CEACAM5: variants seen among roughly 807,000 people sequenced by gnomAD.
CEACAM5 encodes the protein cell adhesion molecule CEACAM5.
In CEACAM5, 52 loss-of-function variants were observed where a neutral mutation model predicts 63.0. The observed-to-expected ratio is 0.83, with a 90% CI of 0.66 to 1.04. The LOEUF is 1.04. Ranked by LOEUF, CEACAM5 falls within the 50% of genes least tolerant of loss-of-function variation. The pLI, the probability that CEACAM5 is intolerant of heterozygous loss-of-function variation, is 0.00. For missense variants in CEACAM5, 790 were observed against 864.8 expected (o/e 0.91, Z 1.08); for synonymous variants, 357 against 351.3 (o/e 1.02, Z -0.18).
chr19:41,723,668 G>A (rs1044496008), intron 8 of CEACAM5, among the ~76,000 whole-genome samples: 3 of 151,518 alleles, frequency 2.0e-5, no homozygotes, highest in Non-Finnish European at 2.9e-5. Context: ...TTTAATTTTC[G>A]AGGCCCTGCA....
intron 6 of CEACAM5, among the ~76,000 whole-genome samples, chr19:41,718,760 G>A (rs2072569889): frequency 1.3e-5 from 2 of 152,240 alleles, no homozygotes; most frequent in Non-Finnish European, 2.9e-5. Flanking sequence ...TGAGCTACAA[G>A]GAACAACTGA....
chr19:41,710,005 G>A lies in CEACAM5; in HGVS notation c.390G>A (p.Val130=). ...TACACGTCATAAAGTCAGATCTTGT[G>A]AATGAAGAAGCAACTGGCCAGTTCC... The part of the protein sequence containing the change: ...YTLHVIKSDL[V]NEEATGQFRV... Residue 130 remains valine, a synonymous_variant, in exon 2 of 10, where the codon GTG becomes GTA. Transcript: ENST00000221992. 1 of 1,609,818 alleles carries A rather than the reference G, an allele frequency of 6.2e-7. No individual in the cohort carries two copies. The highest frequency in any genetic ancestry group is 8.5e-7 in the Non-Finnish European group (1 of 1,177,358).
Position 41,715,071 on chromosome 19 carries a change from C to T in CEACAM5, c.525C>T (p.Thr175=), listed in dbSNP as rs782321114. 10 of 1,614,096 alleles carry T rather than the reference C, an allele frequency of 6.2e-6. No homozygotes were observed. The South Asian group carries it at 7.7e-5, about 12-fold the overall frequency. The change falls in exon 3 of 10, where the codon ACC becomes ACT. Residue 175 remains threonine, a synonymous_variant. Coordinates refer to ENST00000221992, the MANE Select transcript of CEACAM5 (RefSeq NM_004363.6). The part of the protein sequence containing the change: ...FTCEPETQDA[T]YLWWVNNQSL... ...GTGAACCTGAGACTCAGGACGCAAC[C>T]TACCTGTGGTGGGTAAACAATCAGA...
In CEACAM5 at chr19:41,708,789, C is replaced by G; in HGVS notation, c.58C>G (p.Leu20Val). The G allele has an allele frequency of 6.2e-7, 1 of 1,611,184 alleles. No homozygotes were observed. Among genetic ancestry groups the G allele is most frequent in the Non-Finnish European group, 8.5e-7 (1 of 1,178,572 alleles). The change falls in exon 1 of 10, where the codon CTC becomes GTC. Residue 20 changes from leucine to valine, a missense_variant. Physicochemically the swap from Leu to Val is conservative, Grantham distance 32. Transcript: ENST00000221992. ...GTGCATCCCCTGGCAGAGGCTCCTG[C>G]TCACAGGTGAAGGGAGGACAACCTG... is the stretch of plus-strand genomic sequence containing the variant. ...RWCIPWQRLL[L>V]TASLLTFWNP... is the part of the protein sequence containing the mutation.
Position 41,708,714 on chromosome 19 carries a change from G to C in CEACAM5, c.-18G>C, listed in dbSNP as rs1042765987. On this transcript the variant is annotated 5_prime_UTR_variant, in exon 1 of 10. Coordinates refer to ENST00000221992, the MANE Select transcript of CEACAM5 (RefSeq NM_004363.6). The stretch of plus-strand genomic sequence containing the variant: ...AAGCTCTTCTCCACAGAGGAGGACA[G>C]AGCAGACAGCAGAGACCATGGAGTC... The C allele has an allele frequency of 6.2e-7, 1 of 1,607,352 alleles. No individual in the cohort carries two copies. Among genetic ancestry groups the C allele is most frequent in the Middle Eastern group, 1.7e-4 (1 of 6,050 alleles).
intron 6 of CEACAM5, 113 bp downstream of exon 6, chr19:41,718,495 C>A: frequency 1.8e-6 from 2 of 1,113,474 alleles, no homozygotes; most frequent in Non-Finnish European, 2.6e-6. Context: ...TGGGCACAAG[C>A]AATCCCAAAT....
intron 8 of CEACAM5, among the ~76,000 whole-genome samples, chr19:41,725,548 A>G (rs1042033367): frequency 6.6e-6 from 1 of 151,722 alleles, no homozygotes; most frequent in Non-Finnish European, 1.5e-5. Flanking sequence ...TTTTTAAAGA[A>G]ATTTTGTAGA....
intron 9 of CEACAM5, among the ~76,000 whole-genome samples, 157 bp from the exon 10 acceptor site, chr19:41,729,027 A>C (rs1378340672): frequency 2.6e-5 from 4 of 152,212 alleles, no homozygotes; most frequent in Non-Finnish European, 4.4e-5. Context: ...GATGTATTCC[A>C]AAAGTTATAT....
At chr19:41,726,108 G>A (rs528570350) in intron 8 of CEACAM5, among the ~76,000 whole-genome samples, 11 of 152,266 alleles carry the variant, frequency 7.2e-5, no homozygotes, top group African/African-American at 2.6e-4. Flanking sequence ...TGTAATATTC[G>A]ATTAAGCTTT....
intron 2 of CEACAM5, among the ~76,000 whole-genome samples, chr19:41,714,755 T>C (rs1181569232): frequency 2.6e-5 from 4 of 152,170 alleles, no homozygotes; most frequent in African/African-American, 9.7e-5. Context: ...TAATTCACAC[T>C]TGAGAAAGTC....
At position 41,709,984 on chromosome 19, in the gene CEACAM5, C is replaced by T. The variant is rs143742915; in HGVS notation, c.369C>T (p.His123=). Residue 123 remains histidine, a synonymous_variant, in exon 2 of 10, where the codon CAC becomes CAT. Transcript: ENST00000221992. ...ATGACACAGGATTCTACACCCTACA[C>T]GTCATAAAGTCAGATCTTGTGAATG... is the stretch of plus-strand genomic sequence containing the variant. ...IQNDTGFYTL[H]VIKSDLVNEE... The T allele has an allele frequency of 8.1e-6, 13 of 1,612,808 alleles. No homozygotes were observed. Among genetic ancestry groups the T allele is most frequent in the African/African-American group, 4.0e-5 (3 of 74,866 alleles).
Position 41,718,112 on chromosome 19 carries a change from A to G in CEACAM5, c.1238-16A>G. On this transcript the variant is annotated splice_polypyrimidine_tract_variant and intron_variant, in intron 5 of 9. Coordinates refer to ENST00000221992, the MANE Select transcript of CEACAM5 (RefSeq NM_004363.6). Reference sequence around the variant, plus strand: ...TCTGATGACATTCACCTGTGGCCCTATTCTCTTTGCTCCAGATGGCCCAGA... The same window carrying G: ...TCTGATGACATTCACCTGTGGCCCTGTTCTCTTTGCTCCAGATGGCCCAGA... 2 of 1,613,666 alleles carry G rather than the reference A, an allele frequency of 1.2e-6. No homozygotes were observed. Among genetic ancestry groups the G allele is most frequent in the Non-Finnish European group, 8.5e-7 (1 of 1,179,734 alleles).
In CEACAM5 at chr19:41,720,044, T is replaced by A; in HGVS notation, c.1607T>A (p.Val536Glu). 6.2e-7 allele frequency: 1 copy of A among 1,614,110 alleles called. No individual in the cohort carries two copies. Among genetic ancestry groups the A allele is most frequent in the Non-Finnish European group, 8.5e-7 (1 of 1,180,018 alleles). Residue 536 changes from valine to glutamate, a missense_variant, in exon 7 of 10, where the codon GTA becomes GAA. Coordinates refer to ENST00000221992, the MANE Select transcript of CEACAM5 (RefSeq NM_004363.6). ...EAQNTTYLWW[V>E]NGQSLPVSPR... ...CAGAACACAACCTACCTGTGGTGGG[T>A]AAATGGTCAGAGCCTCCCAGTCAGT...
At chr19:41,726,718 G>A (rs116947380) in intron 8 of CEACAM5, among the ~76,000 whole-genome samples, 3,343 of 152,232 alleles carry the variant, frequency 0.022, 72 homozygotes, top group Non-Finnish European at 0.03. Context: ...CTGGTGGGGC[G>A]TCCTCAAGCC....
rs1235352791 is a variant in CEACAM5, at chr19:41,716,017, C to A, written c.958+113C>A. ...CCAGCCTGTGTCCAGTGGGCACAAG[C>A]AAATCCCAGATTCTCCCACTGAACC... is the stretch of plus-strand genomic sequence containing the variant. On this transcript the variant is annotated intron_variant, in intron 4 of 9. Coordinates refer to ENST00000221992, the MANE Select transcript of CEACAM5 (RefSeq NM_004363.6). 73 of 1,223,692 alleles carry A rather than the reference C, an allele frequency of 6.0e-5. No homozygotes were observed. In the Admixed American group the frequency reaches 1.3e-3, roughly 22 times the overall value. The allele number at this position is 1,223,692 out of a possible 1,614,324, so 75.8% of individuals were successfully genotyped here.
In CEACAM5 at chr19:41,721,060, C is replaced by T; in HGVS notation, c.1910C>T (p.Thr637Ile). 8 of 1,614,232 alleles carry T rather than the reference C, an allele frequency of 5.0e-6. No individual in the cohort carries two copies. Among genetic ancestry groups the T allele is most frequent in the Non-Finnish European group, 6.8e-6 (8 of 1,180,046 alleles). The change falls in exon 8 of 10, where the codon ACA (threonine) becomes ATA (isoleucine). Residue 637 changes from threonine (T) to isoleucine (I), a missense_variant. Transcript: ENST00000221992. Reference sequence around the variant, plus strand: ...ATCAATGGGATACCGCAGCAACACACACAAGTTCTCTTTATCGCCAAAATC... The same window carrying T: ...ATCAATGGGATACCGCAGCAACACATACAAGTTCTCTTTATCGCCAAAATC... ...WRINGIPQQHTQVLFIAKITP... is the reference protein window; with the variant it reads ...WRINGIPQQHIQVLFIAKITP...
At chr19:41,728,098 A>G (rs1049585572) in intron 9 of CEACAM5, among the ~76,000 whole-genome samples, 1 of 152,218 alleles carries the variant, frequency 6.6e-6, no homozygotes, top group East Asian at 1.9e-4. Flanking sequence ...TCAGGACACA[A>G]CTGTGCCTGT....
chr19:41,723,639 T>G (rs1555816630), intron 8 of CEACAM5, among the ~76,000 whole-genome samples: 1 of 152,154 alleles, frequency 6.6e-6, no homozygotes, highest in African/African-American at 2.4e-5. Flanking sequence ...TCGATAATGT[T>G]CTTTAATATA....
At chr19:41,718,812 G>A (rs2072570568) in intron 6 of CEACAM5, among the ~76,000 whole-genome samples, 1 of 152,256 alleles carries the variant, frequency 6.6e-6, no homozygotes, top group Admixed American at 6.5e-5. Context: ...AATGAGAGGA[G>A]GATGCCCCTT....
Sources: allele counts gnomAD v4.1 joint callset (sites outside exome capture counted in the v4.1 genomes callset), GRCh38; gene constraint gnomAD v4.1.1; transcripts MANE v1.5; gene names NCBI Gene and HGNC (gene_info 2026-07-23, HGNC 2026-07-21).